SMCHD1: variants seen among roughly 807,000 people sequenced by gnomAD.
The protein encoded by SMCHD1 is structural maintenance of chromosomes flexible hinge domain containing 1.
SMCHD1 carries 78 observed loss-of-function variants against 254.7 expected under a neutral mutation model. The ratio of observed to expected loss-of-function variants is 0.31; its 90% confidence interval spans 0.26 to 0.37. SMCHD1 has a LOEUF of 0.37. Ranked by LOEUF, SMCHD1 falls within the 10% of genes least tolerant of loss-of-function variation. The probability of loss-of-function intolerance (pLI) is 1.00; values close to 1 mark genes in which losing one functional copy is unlikely to be tolerated. For missense variants in SMCHD1, 1,840 were observed against 2,408.1 expected (o/e 0.76, Z 4.94); for synonymous variants, 766 against 794.9 (o/e 0.96, Z 0.61).
chr18:2,666,774 A>G (rs1052994260), intron 2 of SMCHD1, 96 bp from the exon 3 acceptor site: 1 of 1,004,680 alleles, frequency 1.0e-6, no homozygotes, highest in African/African-American at 1.6e-5. Context: ...CCATCATTAA[A>G]GATATTTCAT....
intron 11 of SMCHD1, 25 bp from the exon 12 acceptor site, chr18:2,700,710 T>A: frequency 6.2e-7 from 1 of 1,605,502 alleles, no homozygotes; most frequent in Non-Finnish European, 8.5e-7. Flanking sequence ...ATTCTTTTAC[T>A]AACTAACATT....
chr18:2,690,579 C>T (rs916732144), intron 7 of SMCHD1, among the ~76,000 whole-genome samples: 5 of 99,784 alleles, frequency 5.0e-5, no homozygotes, highest in African/African-American at 1.5e-4. Context: ...TGAAGCAATT[C>T]CCCTGCTTCA....
intron 23 of SMCHD1, 52 bp from the exon 24 acceptor site, chr18:2,729,223 G>A: frequency 7.6e-7 from 1 of 1,318,178 alleles, no homozygotes; most frequent in Non-Finnish European, 9.9e-7. Context: ...AATTACGGAA[G>A]AATCAAATAT....
At position 2,788,012 on chromosome 18, in the gene SMCHD1, G is replaced by GGA. The variant is rs150412137; in HGVS notation, c.5719+3398_5719+3399dup. The stretch of plus-strand genomic sequence containing the variant: ...TATAACTTAACTCCCACCAGTCCTA[G>GGA]GAGAGAGAAATGCCCACCACCTTCC... On this transcript the variant is annotated intron_variant, in intron 45 of 47. Coordinates refer to ENST00000320876, the MANE Select transcript of SMCHD1 (RefSeq NM_015295.3). Among the ~76,000 whole-genome samples, 932 of 152,276 alleles carry GGA rather than the reference G, an allele frequency of 6.1e-3. 4 individuals carry two copies. The highest frequency in any genetic ancestry group is 0.021 in the African/African-American group (863 of 41,556).
intron 39 of SMCHD1, 127 bp from the exon 40 acceptor site, chr18:2,771,406 C>T (rs2075981848): frequency 3.1e-6 from 2 of 640,646 alleles, no homozygotes; most frequent in Non-Finnish European, 5.2e-6. Flanking sequence ...GAAATGGTCA[C>T]CTATCAGTTT....
chr18:2,684,700 AGTGT>A lies in SMCHD1; in HGVS notation c.639-3664_639-3661del, dbSNP rs71365193. The stretch of plus-strand genomic sequence containing the variant: ...TTTTTTCCTGCCTTATTGCAGATTC[AGTGT>A]GTGTGTGTGTGTGTGTGTGTGTGTG... On this transcript the variant is annotated intron_variant, in intron 5 of 47. Transcript: ENST00000320876. Among the ~76,000 whole-genome samples the A allele has an allele frequency of 9.3e-3, 1,070 of 115,600 alleles. 21 individuals are homozygous for A. Among genetic ancestry groups the A allele is most frequent in the African/African-American group, 0.029 (966 of 33,328 alleles). 75.8% of individuals were successfully genotyped at this position (115,600 alleles called of 152,430 possible). A position where few individuals can be genotyped will look rare whatever the true frequency, so the allele number is the denominator to read the frequency against.
chr18:2,656,228 G>C lies in SMCHD1; in HGVS notation c.153G>C (p.Ser51=). 4 of 1,502,216 alleles carry C rather than the reference G, an allele frequency of 2.7e-6. No individual in the cohort carries two copies. In the South Asian group the frequency reaches 5.3e-5, roughly 20 times the overall value. 93.1% of individuals were successfully genotyped at this position (1,502,216 alleles called of 1,614,324 possible). A position where few individuals can be genotyped will look rare whatever the true frequency, so the allele number is the denominator to read the frequency against. ...GGCCTCTGCAGGTCGGGGAGCGCTC[G>C]GACTACGCGGGATTTCGCGCGTGTG... ...GDRPLQVGER[S]DYAGFRACVC... is the part of the protein sequence containing the mutation. Residue 51 remains serine (S), a synonymous_variant, in exon 1 of 48, where the codon TCG becomes TCC. Coordinates refer to ENST00000320876, the MANE Select transcript of SMCHD1 (RefSeq NM_015295.3).
chr18:2,762,269 G>GT (rs759445363), intron 36 of SMCHD1, 33 bp downstream of exon 36: 1 of 1,602,502 alleles, frequency 6.2e-7, no homozygotes, highest in Non-Finnish European at 8.5e-7. Flanking sequence ...ACTGCGAAGG[G>GT]TAACAAGAAA....
At chr18:2,672,428 G>C (rs958913706) in intron 3 of SMCHD1, among the ~76,000 whole-genome samples, 3 of 151,978 alleles carry the variant, frequency 2.0e-5, no homozygotes, top group Non-Finnish European at 4.4e-5. Context: ...GGGTTTCACT[G>C]TGTTGGCCAG....
At chr18:2,698,846 C>A (rs1398312938) in intron 10 of SMCHD1, among the ~76,000 whole-genome samples, 1 of 59,210 alleles carries the variant, frequency 1.7e-5, no homozygotes. Context: ...CTATAAAGTA[C>A]TATTTTATTT....
Position 2,656,031 on chromosome 18 carries a change from G to A in SMCHD1, c.-45G>A. The A allele has an allele frequency of 7.7e-7, 1 of 1,305,948 alleles. No individual in the cohort carries two copies. Among genetic ancestry groups the A allele is most frequent in the Non-Finnish European group, 9.7e-7 (1 of 1,025,804 alleles). The allele number at this position is 1,305,948 out of a possible 1,614,324, so 80.9% of individuals were successfully genotyped here. Reference sequence around the variant, plus strand: ...CGCGGAGCGCGCACCTCAGCCCTGAGCCCGGCGGCGGCAGGCGTCGCTGTC... The same window carrying A: ...CGCGGAGCGCGCACCTCAGCCCTGAACCCGGCGGCGGCAGGCGTCGCTGTC... On this transcript the variant is annotated 5_prime_UTR_variant, in exon 1 of 48. Transcript: ENST00000320876.
At chr18:2,690,196 A>G (rs1169370181) in intron 7 of SMCHD1, among the ~76,000 whole-genome samples, 3 of 152,214 alleles carry the variant, frequency 2.0e-5, no homozygotes, top group Admixed American at 6.5e-5. Context: ...TTTAAAATAT[A>G]TACTTAATAG....
chr18:2,764,411 C>T (rs1312940142), intron 37 of SMCHD1, among the ~76,000 whole-genome samples: 1 of 152,074 alleles, frequency 6.6e-6, no homozygotes, highest in Non-Finnish European at 1.5e-5. Flanking sequence ...CTAATATATT[C>T]TTAGTAAAAG....
At chr18:2,774,733 C>G (rs1239795565) in intron 41 of SMCHD1, among the ~76,000 whole-genome samples, 1 of 152,152 alleles carries the variant, frequency 6.6e-6, no homozygotes, top group Non-Finnish European at 1.5e-5. Context: ...AAGTGACACA[C>G]AATGTTCTTA....
At chr18:2,726,558 A>G (rs1158412587) in intron 22 of SMCHD1, 34 bp downstream of exon 22, 1 of 1,068,538 alleles carries the variant, frequency 9.4e-7, no homozygotes, top group Admixed American at 2.8e-5. Flanking sequence ...ATTATTTAAA[A>G]TAATTTTCTT....
At chr18:2,702,251 C>G (rs1654935958) in intron 12 of SMCHD1, 2 of 128,154 alleles carry the variant, frequency 1.6e-5, no homozygotes, top group Middle Eastern at 5.7e-3. Context: ...GCCAGGAGTT[C>G]AAGACCAGCG....
intron 25 of SMCHD1, among the ~76,000 whole-genome samples, chr18:2,737,472 G>A (rs979020705): frequency 5.3e-5 from 8 of 152,144 alleles, no homozygotes; most frequent in Non-Finnish European, 8.8e-5. Flanking sequence ...TGTAATCCCA[G>A]CACTTTGAAA....
chr18:2,697,989 T>A lies in SMCHD1; in HGVS notation c.1290T>A (p.His430Gln). The A allele has an allele frequency of 6.2e-7, 1 of 1,613,692 alleles. No homozygotes were observed. Among genetic ancestry groups the A allele is most frequent in the South Asian group, 1.1e-5 (1 of 91,078 alleles). Residue 430 changes from histidine (H) to glutamine (Q), a missense_variant, in exon 10 of 48, where the codon CAT (histidine) becomes CAA (glutamine). Physicochemically the swap from His to Gln is conservative, Grantham distance 24 (BLOSUM62 0). Coordinates refer to ENST00000320876, the MANE Select transcript of SMCHD1 (RefSeq NM_015295.3). Reference sequence around the variant, plus strand: ...TAGTGGAAGGGATTATCCGTTATCATCCATTCTTATATGATAGAGAAACTT... The same window carrying A: ...TAGTGGAAGGGATTATCCGTTATCAACCATTCTTATATGATAGAGAAACTT... Reference protein sequence around the residue: ...DGVVEGIIRYHPFLYDRETYP... With the variant: ...DGVVEGIIRYQPFLYDRETYP...
intron 47 of SMCHD1, chr18:2,796,964 ATAAAG>A (rs1476583786): frequency 6.6e-6 from 1 of 152,060 alleles, no homozygotes; most frequent in African/African-American, 2.4e-5. Context: ...ATTAAAAAAA[ATAAAG>A]TAATAATGAA....
Sources: allele counts gnomAD v4.1 joint callset (sites outside exome capture counted in the v4.1 genomes callset), GRCh38; gene constraint gnomAD v4.1.1; transcripts MANE v1.5; gene names NCBI Gene and HGNC (gene_info 2026-07-23, HGNC 2026-07-21).